Variants in LAMB4 observed in about 807,000 individuals in gnomAD.
The protein encoded by LAMB4 is laminin subunit beta-4.
LAMB4 carries 196 observed loss-of-function variants against 199.2 expected under a neutral mutation model. That is an observed-to-expected ratio of 0.98 (90% confidence interval 0.88 to 1.11). The LOEUF is 1.11. Ranked by LOEUF, LAMB4 falls within the 50% of genes least tolerant of loss-of-function variation. The pLI, the probability that LAMB4 is intolerant of heterozygous loss-of-function variation, is 0.00. For missense variants in LAMB4, 2,080 were observed against 2,171.2 expected (o/e 0.96, Z 0.83); for synonymous variants, 744 against 770.6 (o/e 0.97, Z 0.57).
At chr7:108,105,606 T>A (rs572026530) in intron 8 of LAMB4, among the ~76,000 whole-genome samples, 4 of 152,330 alleles carry the variant, frequency 2.6e-5, no homozygotes, top group Admixed American at 2.6e-4. Context: ...TTCAATGATG[T>A]CCATATGCTG....
chr7:108,048,724 G>A (rs1014527697), intron 27 of LAMB4, among the ~76,000 whole-genome samples: 9 of 151,550 alleles, frequency 5.9e-5, no homozygotes, highest in Non-Finnish European at 1.3e-4. Flanking sequence ...GATGAGTCTC[G>A]CTCTCTCGCC....
chr7:108,125,016 G>T (rs770857656), intron 1 of LAMB4, among the ~76,000 whole-genome samples: 4 of 152,176 alleles, frequency 2.6e-5, no homozygotes, highest in Non-Finnish European at 5.9e-5. Context: ...TCTTTATGAA[G>T]CCTAGGGTTC....
Position 108,077,487 on chromosome 7 carries a change from G to A in LAMB4, c.2004-423C>T, listed in dbSNP as rs184450759. Among the ~76,000 whole-genome samples the A allele has an allele frequency of 3.1e-3, 468 of 152,236 alleles. 2 individuals are homozygous for A. Among genetic ancestry groups the A allele is most frequent in the African/African-American group, 0.011 (441 of 41,516 alleles). On this transcript the variant is annotated intron_variant, in intron 16 of 33. Coordinates refer to ENST00000388781, the MANE Select transcript of LAMB4 (RefSeq NM_007356.3). The stretch of plus-strand genomic sequence containing the variant: ...AGGTGGGCAGATCATGAGATCAGGA[G>A]TTTGAGACCAGCCTGGCCAATATGG...
At chr7:108,118,534 C>G (rs930042726) in intron 2 of LAMB4, among the ~76,000 whole-genome samples, 2 of 151,968 alleles carry the variant, frequency 1.3e-5, no homozygotes, top group African/African-American at 4.8e-5. Flanking sequence ...GGAAGAACAG[C>G]CTTTTCAATA....
At chr7:108,084,784 C>CTTTT (rs745640979) in intron 14 of LAMB4, among the ~76,000 whole-genome samples, 25 of 96,534 alleles carry the variant, frequency 2.6e-4, no homozygotes, top group East Asian at 1.0e-3. Context: ...CCAAGGAATC[C>CTTTT]TTTTTTTTTT....
chr7:108,068,010 A>T lies in LAMB4; in HGVS notation c.2446+6T>A, dbSNP rs2036401270. 1 of 1,614,158 alleles carries T rather than the reference A, an allele frequency of 6.2e-7. No individual in the cohort carries two copies. Among genetic ancestry groups the T allele is most frequent in the Non-Finnish European group, 8.5e-7 (1 of 1,180,004 alleles). On this transcript the variant is annotated splice_donor_region_variant and intron_variant, in intron 19 of 33. Coordinates refer to ENST00000388781, the MANE Select transcript of LAMB4 (RefSeq NM_007356.3). ...AGTGTTTCCCCTTGTGTGTTTTGCT[A>T]CGTACGGTGACAGCCGTGATGCCCC...
At chr7:108,032,957 G>T (rs573584094) in intron 31 of LAMB4, among the ~76,000 whole-genome samples, 6 of 152,152 alleles carry the variant, frequency 3.9e-5, no homozygotes, top group African/African-American at 1.4e-4. Flanking sequence ...TGGCCTCTGA[G>T]ACTATCAAAA....
chr7:108,060,848 G>A (rs959393286), intron 23 of LAMB4, among the ~76,000 whole-genome samples: 2 of 152,184 alleles, frequency 1.3e-5, no homozygotes, highest in African/African-American at 2.4e-5. Flanking sequence ...CTCTGTCCTC[G>A]AGGAGGAAGA....
chr7:108,094,754 A>G (rs1283231568), intron 12 of LAMB4, among the ~76,000 whole-genome samples: 1 of 152,136 alleles, frequency 6.6e-6, no homozygotes, highest in Non-Finnish European at 1.5e-5. Flanking sequence ...TCTGTGAAAA[A>G]TCCAAGAGTT....
chr7:108,044,736 T>C (rs769271561), intron 28 of LAMB4, among the ~76,000 whole-genome samples: 4 of 151,916 alleles, frequency 2.6e-5, no homozygotes, highest in African/African-American at 4.8e-5. Flanking sequence ...ACAGATCACT[T>C]GAGGTTAGGA....
intron 18 of LAMB4, 60 bp downstream of exon 18, chr7:108,069,648 T>C (rs1045552612): frequency 6.7e-7 from 1 of 1,494,384 alleles, no homozygotes; most frequent in African/African-American, 1.4e-5. Flanking sequence ...ATTGATTTGC[T>C]CCAAAAAGCA....
Position 108,092,373 on chromosome 7 carries a change from G to T in LAMB4, c.1514C>A (p.Pro505His). 8.1e-6 allele frequency: 13 copies of T among 1,613,934 alleles called. No homozygotes were observed. The highest frequency in any genetic ancestry group is 1.1e-5 in the Non-Finnish European group (13 of 1,179,882). Residue 505 changes from proline to histidine, a missense_variant, in exon 13 of 34, where the codon CCC becomes CAC. Physicochemically the swap from Pro to His is moderately conservative, Grantham distance 77 (BLOSUM62 -2). Coordinates refer to ENST00000388781, the MANE Select transcript of LAMB4 (RefSeq NM_007356.3). Reference sequence around the variant, plus strand: ...AGCACCTCCAATATCACAGTCACAGGGAGAACACCCATGGAGATGATTTCC... The same window carrying T: ...AGCACCTCCAATATCACAGTCACAGTGAGAACACCCATGGAGATGATTTCC... The part of the protein sequence containing the change: ...GLGNHLHGCS[P>H]CDCDIGGAYS...
intron 12 of LAMB4, 36 bp from the exon 13 acceptor site, chr7:108,092,452 G>A (rs1465271299): frequency 6.6e-7 from 1 of 1,520,480 alleles, no homozygotes; most frequent in Non-Finnish European, 9.1e-7. Flanking sequence ...TTCCAGCTAT[G>A]AAGATGCTGT....
chr7:108,062,563 G>A (rs55723631), intron 23 of LAMB4: 28,234 of 355,044 alleles, frequency 0.08, 1,414 homozygotes, highest in Non-Finnish European at 0.11. Context: ...AGAGAAAACT[G>A]AAGTAGGCGA....
rs756082765 is a variant in LAMB4, at chr7:108,098,415, G to C, written c.1348C>G (p.Leu450Val). The C allele has an allele frequency of 2.0e-6, 3 of 1,524,182 alleles. No individual in the cohort carries two copies. In the South Asian group the frequency reaches 3.4e-5, roughly 17 times the overall value. The allele number at this position is 1,524,182 out of a possible 1,614,324, so 94.4% of individuals were successfully genotyped here. The stretch of plus-strand genomic sequence containing the variant: ...ATTATGGACTTACGCTGGCAGCCCA[G>C]GGGGTCGGTGGCGCTTAGTCCGTAG... ...NHYGLSATDPLGCQPCDCNPL... is the reference protein window; with the variant it reads ...NHYGLSATDPVGCQPCDCNPL... Residue 450 changes from leucine (L) to valine (V), a missense_variant, in exon 11 of 34, where the codon CTG becomes GTG. Transcript: ENST00000388781.
intron 21 of LAMB4, among the ~76,000 whole-genome samples, chr7:108,064,653 T>C (rs935819702): frequency 6.6e-6 from 1 of 152,160 alleles, no homozygotes; most frequent in African/African-American, 2.4e-5. Flanking sequence ...GTCTCAGTTC[T>C]TAAAAACTGA....
intron 14 of LAMB4, among the ~76,000 whole-genome samples, chr7:108,080,967 C>CA (rs1483580614): frequency 2.6e-5 from 4 of 151,994 alleles, no homozygotes; most frequent in African/African-American, 9.7e-5. Context: ...ACTAAAAATA[C>CA]AAAAATTATC....
At chr7:108,063,610 A>G in intron 22 of LAMB4, 151 bp downstream of exon 22, 2 of 706,576 alleles carry the variant, frequency 2.8e-6, no homozygotes, top group Non-Finnish European at 5.1e-6. Context: ...ATTTCTGTTG[A>G]TGAGTTCCGT....
At chr7:108,066,289 C>G in intron 20 of LAMB4, 80 bp downstream of exon 20, 1 of 1,027,404 alleles carries the variant, frequency 9.7e-7, no homozygotes, top group Non-Finnish European at 1.5e-6. Flanking sequence ...ATTGTTGAGT[C>G]TCTACTCAAT....
Sources: gnomAD v4.1 joint callset for allele counts (sites outside exome capture counted in the v4.1 genomes callset) on GRCh38, gnomAD v4.1.1 for gene constraint, MANE v1.5 for transcripts, NCBI Gene and HGNC (gene_info 2026-07-23, HGNC 2026-07-21) for gene names.